Variants in RLN1 observed in about 807,000 individuals in gnomAD.
RLN1 encodes the protein prorelaxin H1.
Under a neutral mutation model 7.2 loss-of-function variants are expected in RLN1, and 4 were observed. That is an observed-to-expected ratio of 0.56 (90% CI 0.28 to 1.28). The LOEUF (loss-of-function observed/expected upper bound fraction) is 1.28, where lower values mean the gene tolerates loss of function less well. RLN1 is among the 50% of genes most tolerant of loss of function. The pLI, the probability that RLN1 is intolerant of heterozygous loss-of-function variation, is 0.11. For missense variants in RLN1, 293 were observed against 221.1 expected (o/e 1.32, Z -2.06); for synonymous variants, 105 against 86.0 (o/e 1.22, Z -1.22).
intron 1 of RLN1, 44 bp downstream of exon 1, chr9:5,339,492 C>T (rs756675394): frequency 7.1e-7 from 1 of 1,407,250 alleles, no homozygotes; most frequent in African/African-American, 1.7e-5. Context: ...CCAGAGTAAC[C>T]AATGGGAAGC....
intron 1 of RLN1, among the ~76,000 whole-genome samples, chr9:5,336,163 C>T (rs1433636675): frequency 6.6e-6 from 1 of 151,970 alleles, no homozygotes; most frequent in African/African-American, 2.4e-5. Context: ...CTCTGATGTT[C>T]CTCAATCATC....
In RLN1 at chr9:5,335,522, G is replaced by C. The variant is rs779852847; in HGVS notation, c.287C>G (p.Pro96Arg). Residue 96 changes from proline to arginine, a missense_variant, in exon 2 of 2, where the codon CCG becomes CGG. Pro to Arg is a moderately radical substitution (Grantham distance 103, BLOSUM62 -2). Transcript: ENST00000223862. Reference protein sequence around the residue: ...IMLEFIANLPPELKAALSERQ... With the variant: ...IMLEFIANLPRELKAALSERQ... ...CTCAGATAGGGCTGCCTTCAGCTCC[G>C]GTGGCAAATTAGCAATGAATTCCAA... The C allele has an allele frequency of 6.8e-6, 11 of 1,612,844 alleles. 2 individuals carry two copies. In the Admixed American group the frequency reaches 1.3e-4, roughly 20 times the overall value.
At chr9:5,335,706 ATAAAT>A (rs748283412) in intron 1 of RLN1, 109 bp from the exon 2 acceptor site, 102 of 683,314 alleles carry the variant, frequency 1.5e-4, no homozygotes, top group Non-Finnish European at 2.3e-4. Flanking sequence ...TTGCCTCAAT[ATAAAT>A]TAAACATTGA....
At chr9:5,339,372 G>A in intron 1 of RLN1, 164 bp downstream of exon 1, 3 of 541,168 alleles carry the variant, frequency 5.5e-6, no homozygotes, top group Non-Finnish European at 9.4e-6. Context: ...CCTGGCAAAG[G>A]AAAAGCCCAA....
chr9:5,335,654 A>G, intron 1 of RLN1, 57 bp from the exon 2 acceptor site: 2 of 1,073,540 alleles, frequency 1.9e-6, no homozygotes, highest in Non-Finnish European at 2.7e-6. Context: ...AAGAGCATTC[A>G]GAAAAACTGT....
At position 5,339,777 on chromosome 9, in the gene RLN1, T is replaced by A; in HGVS notation, c.-31A>T. 1.9e-6 allele frequency: 3 copies of A among 1,609,608 alleles called. No individual in the cohort carries two copies. Among genetic ancestry groups the A allele is most frequent in the Non-Finnish European group, 2.5e-6 (3 of 1,176,768 alleles). ...GCCTGGTCTCTCCTGGAGGTCTGGG[T>A]GTTGCAGCCTTTCAGGACTGCGGCT... On this transcript the variant is annotated 5_prime_UTR_variant, in exon 1 of 2. Coordinates refer to ENST00000223862, the MANE Select transcript of RLN1 (RefSeq NM_006911.4).
At chr9:5,339,948 A>G (rs1189518803), upstream of RLN1, 1 of 605,128 alleles carries the variant, frequency 1.7e-6, no homozygotes, top group Non-Finnish European at 3.0e-6. Context: ...ACCCCTCCAC[A>G]GAATTTTCTC....
rs769404802 is a variant in RLN1, at chr9:5,339,676, G to T, written c.71C>A (p.Ala24Glu). The change falls in exon 1 of 2, where the codon GCG (alanine) becomes GAG (glutamate). Residue 24 changes from alanine (A) to glutamate (E), a missense_variant. Ala to Glu is a moderately radical substitution (Grantham distance 107). Coordinates refer to ENST00000223862, the MANE Select transcript of RLN1 (RefSeq NM_006911.4). ...AATAACATCGTCCTTCCATTTGGCC[G>T]CGACTGCTCTGGAAAATTGGTTCAG... Reference protein sequence around the residue: ...LLLNQFSRAVAAKWKDDVIKL... With the variant: ...LLLNQFSRAVEAKWKDDVIKL... 1.2e-6 allele frequency: 2 copies of T among 1,613,232 alleles called. No homozygotes were observed. Among genetic ancestry groups the T allele is most frequent in the Non-Finnish European group, 1.7e-6 (2 of 1,180,024 alleles).
intron 1 of RLN1, among the ~76,000 whole-genome samples, chr9:5,337,097 T>C (rs1816911294): frequency 6.6e-6 from 1 of 152,122 alleles, no homozygotes; most frequent in Admixed American, 6.6e-5. Flanking sequence ...TGAGAATTTA[T>C]ATCATTTTTG....
rs776834964 is a variant in RLN1 at position 5,339,722 on chromosome 9, G to A, written c.25C>T (p.Leu9=). Reference sequence around the variant, plus strand: ...TTCAGTAGTAAACAGAATTCTAGCAGGTGGAACAAGAACAGGCGAGGCATC... The same window carrying A: ...TTCAGTAGTAAACAGAATTCTAGCAAGTGGAACAAGAACAGGCGAGGCATC... MPRLFLFH[L]LEFCLLLNQF... Residue 9 remains leucine (L), a synonymous_variant, in exon 1 of 2, where the codon CTG becomes TTG. Coordinates refer to ENST00000223862, the MANE Select transcript of RLN1 (RefSeq NM_006911.4). 1.2e-6 allele frequency: 2 copies of A among 1,613,482 alleles called. No homozygotes were observed. The highest frequency in any genetic ancestry group is 1.7e-6 in the Non-Finnish European group (2 of 1,180,038).
intron 1 of RLN1, chr9:5,339,147 G>T: frequency 6.3e-6 from 1 of 159,900 alleles, no homozygotes; most frequent in Non-Finnish European, 1.1e-5. Flanking sequence ...CTGTCTGGCC[G>T]CCTGGCTTTC....
intron 1 of RLN1, 67 bp from the exon 2 acceptor site, chr9:5,335,664 T>C (rs2131030279): frequency 2.1e-6 from 2 of 971,416 alleles, no homozygotes; most frequent in South Asian, 1.6e-5. Flanking sequence ...AGAAAAACTG[T>C]GAATGTTTGC....
chr9:5,337,932 C>CA (rs1304389369), intron 1 of RLN1, among the ~76,000 whole-genome samples: 69 of 151,980 alleles, frequency 4.5e-4, no homozygotes, highest in African/African-American at 8.0e-4. Context: ...AGATTTATGA[C>CA]AAAAATACTA....
chr9:5,340,558 G>A (rs1816971091), upstream of RLN1, among the ~76,000 whole-genome samples: 1 of 152,066 alleles, frequency 6.6e-6, no homozygotes, highest in Admixed American at 6.5e-5. Flanking sequence ...AAGAAGAAGA[G>A]AAAGAAGAAG....
At chr9:5,339,951 AT>A (rs1262206999), upstream of RLN1, 2 of 598,612 alleles carry the variant, frequency 3.3e-6, no homozygotes, top group Non-Finnish European at 6.0e-6. Flanking sequence ...CCTCCACAGA[AT>A]TTTCTCCTTC....
intron 1 of RLN1, among the ~76,000 whole-genome samples, chr9:5,337,462 T>G (rs528699288): frequency 5.9e-5 from 9 of 152,190 alleles, no homozygotes; most frequent in East Asian, 3.9e-4. Flanking sequence ...TAATTCACTG[T>G]ATTTTGGATG....
At chr9:5,337,386 T>A (rs1468046017) in intron 1 of RLN1, among the ~76,000 whole-genome samples, 3 of 152,078 alleles carry the variant, frequency 2.0e-5, no homozygotes, top group Non-Finnish European at 2.9e-5. Flanking sequence ...TCATAATCCA[T>A]AACACTTTTA....
At chr9:5,340,525 G>A (rs1431352877), upstream of RLN1, among the ~76,000 whole-genome samples, 4 of 151,472 alleles carry the variant, frequency 2.6e-5, no homozygotes, top group African/African-American at 9.8e-5. Flanking sequence ...CACACACACA[G>A]AGAGAGAGAA....
chr9:5,339,781 G>A lies in RLN1; in HGVS notation c.-35C>T, dbSNP rs1274899316. ...GGTCTCTCCTGGAGGTCTGGGTGTT[G>A]CAGCCTTTCAGGACTGCGGCTGCTG... is the stretch of plus-strand genomic sequence containing the variant. On this transcript the variant is annotated 5_prime_UTR_variant, in exon 1 of 2. Coordinates refer to ENST00000223862, the MANE Select transcript of RLN1 (RefSeq NM_006911.4). 1.9e-6 allele frequency: 3 copies of A among 1,608,022 alleles called. No homozygotes were observed. The highest frequency in any genetic ancestry group is 2.7e-5 in the African/African-American group (2 of 74,342).
Sources: gnomAD v4.1 joint callset for allele counts (sites outside exome capture counted in the v4.1 genomes callset) on GRCh38, gnomAD v4.1.1 for gene constraint, MANE v1.5 for transcripts, NCBI Gene and HGNC (gene_info 2026-07-23, HGNC 2026-07-21) for gene names.